Variants in PHACTR3 observed in about 807,000 individuals in gnomAD.
The protein encoded by PHACTR3 is protein phosphatase 1, regulatory subunit 123.
Under a neutral mutation model 66.8 loss-of-function variants are expected in PHACTR3, and 16 were observed. The ratio of observed to expected loss-of-function variants is 0.24; its 90% CI spans 0.16 to 0.36. The LOEUF is 0.36. PHACTR3 is among the 10% of genes least tolerant of loss of function. PHACTR3 has a pLI of 1.00. For synonymous variants in PHACTR3, 323 were observed against 292.1 expected (o/e 1.11, Z -1.08); for missense variants, 647 against 719.9 (o/e 0.90, Z 1.16).
intron 1 of PHACTR3, among the ~76,000 whole-genome samples, chr20:59,691,503 C>T (rs2037105092): frequency 6.6e-6 from 1 of 152,030 alleles, no homozygotes; most frequent in Admixed American, 6.6e-5. Flanking sequence ...CATTTTGTCC[C>T]ATTGAATTGT....
At chr20:59,624,803 T>C (rs141937541) in intron 1 of PHACTR3, among the ~76,000 whole-genome samples, 102 of 152,366 alleles carry the variant, frequency 6.7e-4, no homozygotes, top group African/African-American at 2.3e-3. Flanking sequence ...ATTGTGAAGC[T>C]AGTACAAAGA....
intron 8 of PHACTR3, among the ~76,000 whole-genome samples, chr20:59,835,319 G>A (rs2042496499): frequency 6.6e-6 from 1 of 152,158 alleles, no homozygotes. Context: ...GAGATATGAT[G>A]TGGAAGCAAC....
chr20:59,835,055 A>T (rs2042486206), intron 8 of PHACTR3, among the ~76,000 whole-genome samples: 1 of 152,210 alleles, frequency 6.6e-6, no homozygotes, highest in South Asian at 2.1e-4. Context: ...CTTGCTCTAG[A>T]CTATGAGCTT....
At position 59,810,975 on chromosome 20, in the gene PHACTR3, G is replaced by A. The variant is rs570193338; in HGVS notation, c.1328+4781G>A. On this transcript the variant is annotated intron_variant, in intron 8 of 12. Coordinates refer to ENST00000371015, the MANE Select transcript of PHACTR3 (RefSeq NM_080672.5). ...CTAAGGAGAGCAGTGGGAAGCACCT[G>A]CTGCCGGCTTTCAGCATAGGTGCCG... Among the ~76,000 whole-genome samples, 21 of 152,382 alleles carry A rather than the reference G, an allele frequency of 1.4e-4. No homozygotes were observed. In the South Asian group the frequency reaches 4.3e-3, roughly 32 times the overall value.
At chr20:59,713,374 G>A (rs6015560) in intron 1 of PHACTR3, among the ~76,000 whole-genome samples, 13,801 of 152,210 alleles carry the variant, frequency 0.091, 1,950 homozygotes, top group African/African-American at 0.3. Context: ...TATTGAATAT[G>A]ACCCTCACAT....
chr20:59,625,758 C>T (rs1365894402), intron 1 of PHACTR3, among the ~76,000 whole-genome samples: 1 of 152,126 alleles, frequency 6.6e-6, no homozygotes, highest in Non-Finnish European at 1.5e-5. Context: ...CTCTGTCTTG[C>T]GTGACAGCCC....
chr20:59,772,370 G>A (rs914738410), intron 5 of PHACTR3, among the ~76,000 whole-genome samples: 5 of 152,168 alleles, frequency 3.3e-5, no homozygotes, highest in African/African-American at 2.4e-5. Flanking sequence ...GGAAACTGTA[G>A]GAAGGAAGGT....
At chr20:59,750,614 C>G (rs375077439) in intron 3 of PHACTR3, among the ~76,000 whole-genome samples, 3 of 152,162 alleles carry the variant, frequency 2.0e-5, no homozygotes, top group Non-Finnish European at 4.4e-5. Context: ...CCTGCCCACA[C>G]ACCGGCTGGG....
At chr20:59,627,201 A>G (rs911522557) in intron 1 of PHACTR3, among the ~76,000 whole-genome samples, 3 of 152,166 alleles carry the variant, frequency 2.0e-5, no homozygotes, top group African/African-American at 7.2e-5. Flanking sequence ...AGAGAATGCA[A>G]CCTTGCTGCC....
At chr20:59,661,261 G>A (rs1290094807) in intron 1 of PHACTR3, among the ~76,000 whole-genome samples, 6 of 152,194 alleles carry the variant, frequency 3.9e-5, no homozygotes, top group African/African-American at 9.7e-5. Flanking sequence ...TGGCTGTGCC[G>A]TTAGGAGTGT....
chr20:59,757,510 G>C (rs754208844), intron 4 of PHACTR3, among the ~76,000 whole-genome samples: 1 of 131,474 alleles, frequency 7.6e-6, no homozygotes, highest in Non-Finnish European at 1.7e-5. Context: ...GAACACACAC[G>C]TTTTCTGTAA....
intron 1 of PHACTR3, among the ~76,000 whole-genome samples, chr20:59,720,408 G>A (rs1470715538): frequency 6.6e-6 from 1 of 152,156 alleles, no homozygotes; most frequent in East Asian, 1.9e-4. Flanking sequence ...CTCAATTCCT[G>A]TCCCCTTTGC....
At chr20:59,682,204 G>A (rs986839539) in intron 1 of PHACTR3, among the ~76,000 whole-genome samples, 1 of 152,078 alleles carries the variant, frequency 6.6e-6, no homozygotes, top group African/African-American at 2.4e-5. Flanking sequence ...GCTGGGTGTG[G>A]TGGCGTGCAC....
chr20:59,755,490 T>G, intron 4 of PHACTR3, 126 bp downstream of exon 4: 2 of 1,112,470 alleles, frequency 1.8e-6, no homozygotes, highest in Non-Finnish European at 2.5e-6. Context: ...GCTGGGCCCG[T>G]GCTCTAAGCG....
chr20:59,607,104 G>A (rs755296810), intron 1 of PHACTR3, among the ~76,000 whole-genome samples: 7 of 152,158 alleles, frequency 4.6e-5, no homozygotes, highest in Non-Finnish European at 7.3e-5. Flanking sequence ...TGCCTGGCTG[G>A]CCTGGTGTGT....
chr20:59,830,755 G>A lies in PHACTR3; in HGVS notation c.1329-5750G>A, dbSNP rs1294433819. Reference sequence around the variant, plus strand: ...CCCAGCATCCCTGTGGGTTTTGTTGGCAGGTGTTCACCTGGGGAATCAGAG... The same window carrying A: ...CCCAGCATCCCTGTGGGTTTTGTTGACAGGTGTTCACCTGGGGAATCAGAG... On this transcript the variant is annotated intron_variant, in intron 8 of 12. Transcript: ENST00000371015. The surrounding 1 kb of genome is among the most constrained non-coding windows in gnomAD (Gnocchi z 5.8). Among the ~76,000 whole-genome samples, 1 of 152,174 alleles carries A rather than the reference G, an allele frequency of 6.6e-6. No homozygotes were observed. The highest frequency in any genetic ancestry group is 1.5e-5 in the Non-Finnish European group (1 of 68,028).
chr20:59,823,637 G>C (rs1467544070), intron 8 of PHACTR3, among the ~76,000 whole-genome samples: 2 of 152,180 alleles, frequency 1.3e-5, no homozygotes, highest in Admixed American at 6.5e-5. Context: ...TCCACTGACA[G>C]TTTCTTTGGA....
At chr20:59,641,430 G>A (rs981034013) in intron 1 of PHACTR3, among the ~76,000 whole-genome samples, 1 of 152,216 alleles carries the variant, frequency 6.6e-6, no homozygotes, top group African/African-American at 2.4e-5. Context: ...AAACAGGAGA[G>A]CTAATGGTGT....
chr20:59,741,757 T>A (rs2039169742), intron 1 of PHACTR3, among the ~76,000 whole-genome samples: 2 of 148,614 alleles, frequency 1.3e-5, no homozygotes, highest in Admixed American at 1.3e-4. Context: ...TTTCTTTCTT[T>A]TTTTTTTTTT....
Sources: gnomAD v4.1 joint callset for allele counts (sites outside exome capture counted in the v4.1 genomes callset) on GRCh38, gnomAD v4.1.1 for gene constraint, Gnocchi (gnomAD v3.1) non-coding constraint, MANE v1.5 for transcripts, NCBI Gene and HGNC (gene_info 2026-07-23, HGNC 2026-07-21) for gene names.